The following DOT1L variants were observed in gnomAD, a reference collection of about 807,000 sequenced individuals.
DOT1L encodes the protein histone-lysine N-methyltransferase, H3 lysine-79 specific.
Under a neutral mutation model 153.3 loss-of-function variants are expected in DOT1L, and 33 were observed. The observed-to-expected ratio is 0.22, with a 90% CI of 0.16 to 0.29. The LOEUF (loss-of-function observed/expected upper bound fraction) is 0.29, where lower values mean the gene tolerates loss of function less well. Ranked by LOEUF, DOT1L falls within the 10% of genes least tolerant of loss-of-function variation. The pLI is 1.00. For synonymous variants in DOT1L, 1,135 were observed against 965.1 expected, an observed-to-expected ratio of 1.18 and a Z score of -3.26; for missense variants, 1,847 against 2,119.9, an observed-to-expected ratio of 0.87 and a Z score of 2.53.
At chr19:2,219,149 G>A (rs577191396) in intron 22 of DOT1L, among the ~76,000 whole-genome samples, 1 of 152,336 alleles carries the variant, frequency 6.6e-6, no homozygotes, top group East Asian at 1.9e-4. Flanking sequence ...TGGGATGACA[G>A]GCATGAGCCA....
At position 2,228,404 on chromosome 19, in the gene DOT1L, G is replaced by T. The variant is rs574477660; in HGVS notation, c.4606+1277G>T. 104 of 1,257,200 alleles carry T rather than the reference G, an allele frequency of 8.3e-5. 1 individual carries two copies. The South Asian group carries it at 1.2e-3, about 14-fold the overall frequency. The allele number at this position is 1,257,200 out of a possible 1,614,324, so 77.9% of individuals were successfully genotyped here. ...TAAGGTAAGGCCAGAGCCCTGCGCG[G>T]TGGCTCACTCCAGACACTGAACTGT... On this transcript the variant is annotated intron_variant, in intron 27 of 27. Coordinates refer to ENST00000398665, the MANE Select transcript of DOT1L (RefSeq NM_032482.3).
chr19:2,214,627 T>G (rs1045088411), intron 19 of DOT1L, 31 bp downstream of exon 19: 1 of 1,601,280 alleles, frequency 6.2e-7, no homozygotes, highest in Non-Finnish European at 8.5e-7. Flanking sequence ...CACTCCGTGG[T>G]GTCCGAGCCT....
rs1304751376 is a variant in DOT1L, at chr19:2,217,901, A to G, written c.2674A>G (p.Ser892Gly). ...SIPLASVVLPSRAERARSTPS... is the reference protein window; with the variant it reads ...SIPLASVVLPGRAERARSTPS... ...TCCCCTGGCCAGCGTGGTGCTGCCC[A>G]GCCGCGCCGAGAGGGCGGTGAGTGG... The change falls in exon 22 of 28, where the codon AGC (serine) becomes GGC (glycine). Residue 892 changes from serine (S) to glycine (G), a missense_variant. Transcript: ENST00000398665. The surrounding 1 kb of genome is among the most constrained non-coding windows in gnomAD (Gnocchi z 7.3). 1.2e-6 allele frequency: 2 copies of G among 1,612,066 alleles called. No individual in the cohort carries two copies. The highest frequency in any genetic ancestry group is 2.2e-5 in the South Asian group (2 of 90,912).
At chr19:2,195,656 G>A (rs564610415) in intron 7 of DOT1L, among the ~76,000 whole-genome samples, 3 of 152,234 alleles carry the variant, frequency 2.0e-5, no homozygotes, top group African/African-American at 7.2e-5. Flanking sequence ...TCCCTTATAA[G>A]GCAGAAGGAG....
At chr19:2,189,567 C>T (rs1189688386) in intron 3 of DOT1L, among the ~76,000 whole-genome samples, 165 bp from the exon 4 acceptor site, 1 of 152,234 alleles carries the variant, frequency 6.6e-6, no homozygotes, top group Non-Finnish European at 1.5e-5. Flanking sequence ...TCTCCTGCAT[C>T]AGGGCGGAAA....
At chr19:2,167,233 T>C (rs1476755559) in intron 1 of DOT1L, among the ~76,000 whole-genome samples, 1 of 152,228 alleles carries the variant, frequency 6.6e-6, no homozygotes, top group East Asian at 1.9e-4. Context: ...CGGCCTGTGC[T>C]AAGCGTCTGT....
In DOT1L at chr19:2,220,007, C is replaced by G. The variant is rs189233432; in HGVS notation, c.2692-101C>G. The stretch of plus-strand genomic sequence containing the variant: ...TACTGGACGGTGACCCCGGCGGCCT[C>G]CCCCAGCCAGCTGCAGGCCTCAACA... On this transcript the variant is annotated intron_variant, in intron 22 of 27. Transcript: ENST00000398665. This position sits in a 1 kb window ranked among gnomAD's most constrained non-coding sequence, Gnocchi z 4.5. 2 of 1,135,442 alleles carry G rather than the reference C, an allele frequency of 1.8e-6. No individual in the cohort carries two copies. The highest frequency in any genetic ancestry group is 3.1e-5 in the African/African-American group (2 of 64,120). 70.3% of individuals were successfully genotyped at this position (1,135,442 alleles called of 1,614,324 possible).
chr19:2,171,273 G>A (rs1487164150), intron 1 of DOT1L, among the ~76,000 whole-genome samples: 1 of 152,236 alleles, frequency 6.6e-6, no homozygotes, highest in African/African-American at 2.4e-5. Context: ...GAAGGACTGC[G>A]AGAATGCTGT....
In DOT1L at chr19:2,223,483, C is replaced by T; in HGVS notation, c.3593C>T (p.Ala1198Val). 1 of 1,534,206 alleles carries T rather than the reference C, an allele frequency of 6.5e-7. No individual in the cohort carries two copies. The highest frequency in any genetic ancestry group is 8.8e-7 in the Non-Finnish European group (1 of 1,130,656). The change falls in exon 25 of 28, where the codon GCT becomes GTT. Residue 1198 changes from alanine (A) to valine (V), a missense_variant. Transcript: ENST00000398665. The part of the protein sequence containing the change: ...EPGSEDEPSS[A>V]RIERKIATIS... ...GGCTCTGAGGACGAGCCCAGCAGTG[C>T]TCGGCGAGTCCAGGGGCCCGGAGGG...
At chr19:2,228,687 C>T in intron 27 of DOT1L, 6 of 985,390 alleles carry the variant, frequency 6.1e-6, no homozygotes, top group Non-Finnish European at 7.2e-6. Flanking sequence ...CACGGGGTGC[C>T]AGGCCAGGGG....
rs2023669372 is a variant in DOT1L, at chr19:2,210,508, A to G, written c.1114A>G (p.Met372Val). Residue 372 changes from methionine to valine, a missense_variant and splice_region_variant, in exon 13 of 28, where the codon ATG becomes GTG. By Grantham distance (21) the Met-to-Val change is conservative. This residue lies in a region of DOT1L where 205 missense variants were observed against 203.1 expected (regional missense o/e 1.01). Transcript: ENST00000398665. ...GKVAGPADAP[M>V]DSGAEEEKAG... ...GGTGGCCGGCCCCGCCGACGCCCCCATGGTAAGGCCCCAGCCTGGCTCCTG... is the reference window on the plus strand; with the variant it reads ...GGTGGCCGGCCCCGCCGACGCCCCCGTGGTAAGGCCCCAGCCTGGCTCCTG... 5 of 1,595,462 alleles carry G rather than the reference A, an allele frequency of 3.1e-6. No homozygotes were observed. Among genetic ancestry groups the G allele is most frequent in the Non-Finnish European group, 3.4e-6 (4 of 1,171,288 alleles).
chr19:2,211,193 C>A lies in DOT1L; in HGVS notation c.1446C>A (p.Pro482=). 1 of 1,610,636 alleles carries A rather than the reference C, an allele frequency of 6.2e-7. No individual in the cohort carries two copies. Among genetic ancestry groups the A allele is most frequent in the African/African-American group, 1.3e-5 (1 of 75,040 alleles). Residue 482 remains proline (P), a synonymous_variant, in exon 15 of 28, where the codon CCC becomes CCA. Coordinates refer to ENST00000398665, the MANE Select transcript of DOT1L (RefSeq NM_032482.3). ...PNPLLVAPTP[P]ALQKLLESFK... ...CGCTGCTGGTGGCGCCCACCCCGCCCGCGCTGCAGAAGCTTCTAGGTGAGC... is the reference window on the plus strand; with the variant it reads ...CGCTGCTGGTGGCGCCCACCCCGCCAGCGCTGCAGAAGCTTCTAGGTGAGC...
At chr19:2,178,129 A>C (rs1447267905) in intron 1 of DOT1L, among the ~76,000 whole-genome samples, 2 of 145,810 alleles carry the variant, frequency 1.4e-5, no homozygotes, top group Non-Finnish European at 1.5e-5. Flanking sequence ...ATGGGGTTTC[A>C]CTGTGTTAGC....
chr19:2,177,105 T>A (rs1184826086), intron 1 of DOT1L, among the ~76,000 whole-genome samples: 5 of 151,866 alleles, frequency 3.3e-5, no homozygotes, highest in Non-Finnish European at 7.4e-5. Context: ...TCTGTGGGGG[T>A]CCGCAGGAAG....
chr19:2,219,598 T>C (rs939818858), intron 22 of DOT1L, among the ~76,000 whole-genome samples: 1 of 152,200 alleles, frequency 6.6e-6, no homozygotes, highest in Non-Finnish European at 1.5e-5. Context: ...TGTGTGGATG[T>C]AGGTTTGCTC....
At chr19:2,187,923 GAAA>G (rs11453591) in intron 3 of DOT1L, among the ~76,000 whole-genome samples, 1 of 130,948 alleles carries the variant, frequency 7.6e-6, no homozygotes, top group Non-Finnish European at 1.6e-5. Context: ...CTCCATCTCA[GAAA>G]AAAAAAAAAA....
rs544612855 is a variant in DOT1L, at chr19:2,181,654, A to G, written c.125+898A>G. On this transcript the variant is annotated intron_variant, in intron 2 of 27. Coordinates refer to ENST00000398665, the MANE Select transcript of DOT1L (RefSeq NM_032482.3). ...TTTTTAATGTCATGATCCGTGGACC[A>G]GGCAGTGGAGTAGGGGCCCCTCTGT... 2.5e-3 allele frequency among the ~76,000 whole-genome samples: 386 copies of G among 152,292 alleles called. 2 individuals carry two copies. Among genetic ancestry groups the G allele is most frequent in the South Asian group, 6.8e-3 (33 of 4,828 alleles).
At chr19:2,184,676 A>G (rs780180681) in intron 2 of DOT1L, among the ~76,000 whole-genome samples, 1 of 152,056 alleles carries the variant, frequency 6.6e-6, no homozygotes, top group Non-Finnish European at 1.5e-5. Flanking sequence ...GTGTCCTTCC[A>G]TTTCTGGCCT....
intron 1 of DOT1L, among the ~76,000 whole-genome samples, chr19:2,175,881 A>G (rs1489784841): frequency 6.6e-6 from 1 of 152,160 alleles, no homozygotes; most frequent in Non-Finnish European, 1.5e-5. Flanking sequence ...TCAAAAAAAG[A>G]AAGGAACTCC....
Sources: allele counts gnomAD v4.1 joint callset (sites outside exome capture counted in the v4.1 genomes callset), GRCh38; gene constraint gnomAD v4.1.1; regional missense constraint gnomAD v4.1.1; non-coding constraint Gnocchi (gnomAD v3.1); transcripts MANE v1.5; gene names NCBI Gene and HGNC (gene_info 2026-07-23, HGNC 2026-07-21).